USP42: variants seen among roughly 807,000 people sequenced by gnomAD.
USP42 encodes ubiquitin carboxyl-terminal hydrolase 42.
In USP42, 23 loss-of-function variants were observed where a neutral mutation model predicts 113.0. That is an observed-to-expected ratio of 0.20 (90% confidence interval 0.15 to 0.29). The LOEUF is 0.29. Among genes scored for constraint, USP42 ranks in the 10% least tolerant of loss-of-function variants. USP42 has a pLI of 1.00. For missense variants in USP42, 2,174 were observed against 1,779.8 expected, an observed-to-expected ratio of 1.22 and a Z score of -3.99; for synonymous variants, 933 against 699.0, an observed-to-expected ratio of 1.33 and a Z score of -5.28.
rs745619719 is a variant in USP42, at chr7:6,159,379, A to G, written c.3944-71A>G. ...GACTCTGACCATAGCCACTTAACGC[A>G]CACACACAGCAGAGGCCCTGGCGAT... On this transcript the variant is annotated intron_variant, in intron 16 of 17. Coordinates refer to ENST00000306177, the MANE Select transcript of USP42 (RefSeq NM_032172.3). This position sits in a 1 kb window ranked among gnomAD's most constrained non-coding sequence, Gnocchi z 4.1. 1.3e-5 allele frequency: 21 copies of G among 1,605,612 alleles called. No homozygotes were observed. The highest frequency in any genetic ancestry group is 1.7e-4 in the Middle Eastern group (1 of 6,024).
At chr7:6,118,469 C>G (rs1355900168) in intron 3 of USP42, among the ~76,000 whole-genome samples, 6 of 151,884 alleles carry the variant, frequency 4.0e-5, no homozygotes, top group African/African-American at 1.5e-4. Flanking sequence ...CTGCAGTGAG[C>G]CATGATTGTG....
At position 6,158,254 on chromosome 7, in the gene USP42, G is replaced by A. The variant is rs547425853; in HGVS notation, c.3944-1196G>A. On this transcript the variant is annotated intron_variant, in intron 16 of 17. Coordinates refer to ENST00000306177, the MANE Select transcript of USP42 (RefSeq NM_032172.3). The surrounding 1 kb of genome is among the most constrained non-coding windows in gnomAD (Gnocchi z 4.2). ...CTGTCACTGCCTGGCAGAGGTGAGTGGCTGCGGCAGGGCAGGGACCGTGTG... is the reference window on the plus strand; with the variant it reads ...CTGTCACTGCCTGGCAGAGGTGAGTAGCTGCGGCAGGGCAGGGACCGTGTG... 3.9e-5 allele frequency among the ~76,000 whole-genome samples: 6 copies of A among 152,370 alleles called. No homozygotes were observed. In the South Asian group the frequency reaches 1.2e-3, roughly 32 times the overall value.
At chr7:6,101,563 G>A (rs1790127885), upstream of USP42, among the ~76,000 whole-genome samples, 1 of 151,224 alleles carries the variant, frequency 6.6e-6, no homozygotes, top group South Asian at 2.1e-4. Context: ...TCTCAGCCAA[G>A]GCCCCAGCTG....
At chr7:6,129,061 C>T (rs2128493353) in intron 3 of USP42, among the ~76,000 whole-genome samples, 1 of 152,290 alleles carries the variant, frequency 6.6e-6, no homozygotes, top group South Asian at 2.1e-4. Flanking sequence ...ATCCGCCCAC[C>T]TCAGGCTCAC....
intron 3 of USP42, among the ~76,000 whole-genome samples, chr7:6,135,287 A>T (rs1395142330): frequency 6.6e-6 from 1 of 152,132 alleles, no homozygotes; most frequent in East Asian, 1.9e-4. Context: ...CAAACTTTTA[A>T]ACTCTCTGAG....
rs1203493833 is a variant in USP42, at chr7:6,161,172, T to C, written c.*654T>C. On this transcript the variant is annotated 3_prime_UTR_variant, in exon 18 of 18. Transcript: ENST00000306177. ...ACATTATGAATGTATAACCCAGACA[T>C]GATTTGTAAAGCCGACAGTATGTTT... is the stretch of plus-strand genomic sequence containing the variant. 2.0e-5 allele frequency: 3 copies of C among 152,676 alleles called. No homozygotes were observed. The highest frequency in any genetic ancestry group is 6.5e-5 in the Admixed American group (1 of 15,282). The allele number at this position is 152,676 out of a possible 1,614,324, so 9.5% of individuals were successfully genotyped here.
chr7:6,126,445 T>C (rs1780548799), intron 3 of USP42, among the ~76,000 whole-genome samples: 1 of 152,096 alleles, frequency 6.6e-6, no homozygotes, highest in South Asian at 2.1e-4. Flanking sequence ...CCACCACGCC[T>C]GGCTAATTTT....
In USP42 at chr7:6,153,774, G is replaced by A. The variant is rs1233523474; in HGVS notation, c.2220G>A (p.Arg740=). Reference sequence around the variant, plus strand: ...GCTGCAGTGCACCTGGAGCAGAGAGGGGCCCTCCCGAGGACCGCGACGCCG... The same window carrying A: ...GCTGCAGTGCACCTGGAGCAGAGAGAGGCCCTCCCGAGGACCGCGACGCCG... The part of the protein sequence containing the change: ...TDEMSAPGAE[R]GPPEDRDAEP... Residue 740 remains arginine (R), a synonymous_variant, in exon 15 of 18, where the codon AGG becomes AGA. Coordinates refer to ENST00000306177, the MANE Select transcript of USP42 (RefSeq NM_032172.3). 6.8e-7 allele frequency: 1 copy of A among 1,474,960 alleles called. No individual in the cohort carries two copies. The highest frequency in any genetic ancestry group is 9.0e-7 in the Non-Finnish European group (1 of 1,111,102). 91.4% of individuals were successfully genotyped at this position (1,474,960 alleles called of 1,614,324 possible).
rs1021017272 is a variant in USP42 at position 6,129,141 on chromosome 7, A to G, written c.443-6700A>G. On this transcript the variant is annotated intron_variant, in intron 3 of 17. Transcript: ENST00000306177. The stretch of plus-strand genomic sequence containing the variant: ...TTTAGTGGTCACTTTTAGGGACCAC[A>G]TTTACACACACATAACTTTTACCAC... Among the ~76,000 whole-genome samples the G allele has an allele frequency of 2.0e-5, 3 of 152,176 alleles. No homozygotes were observed. The East Asian group carries it at 5.8e-4, about 29-fold the overall frequency.
chr7:6,144,767 G>A (rs981806432), intron 9 of USP42, among the ~76,000 whole-genome samples: 2 of 152,000 alleles, frequency 1.3e-5, no homozygotes, highest in African/African-American at 4.8e-5. Flanking sequence ...CTACTCGGGA[G>A]GCTGAGGCAG....
chr7:6,159,437 C>G lies in USP42; in HGVS notation c.3944-13C>G. 1.9e-6 allele frequency: 3 copies of G among 1,613,974 alleles called. No individual in the cohort carries two copies. The highest frequency in any genetic ancestry group is 2.5e-6 in the Non-Finnish European group (3 of 1,179,876). ...CCATCATTAAAATCTCTTTCCTGACCTTTGCTTTCTAGGTGATTGAAAACT... is the reference window on the plus strand; with the variant it reads ...CCATCATTAAAATCTCTTTCCTGACGTTTGCTTTCTAGGTGATTGAAAACT... On this transcript the variant is annotated splice_polypyrimidine_tract_variant and intron_variant, in intron 16 of 17. Coordinates refer to ENST00000306177, the MANE Select transcript of USP42 (RefSeq NM_032172.3). The surrounding 1 kb of genome is among the most constrained non-coding windows in gnomAD (Gnocchi z 4.1).
intron 3 of USP42, among the ~76,000 whole-genome samples, chr7:6,115,880 C>T (rs1484808898): frequency 1.3e-5 from 2 of 152,102 alleles, no homozygotes; most frequent in African/African-American, 2.4e-5. Flanking sequence ...GAAAGGATCA[C>T]TCGAGCCCAA....
chr7:6,153,842 C>A lies in USP42; in HGVS notation c.2288C>A (p.Pro763Gln). 6.5e-7 allele frequency: 1 copy of A among 1,545,896 alleles called. No individual in the cohort carries two copies. Among genetic ancestry groups the A allele is most frequent in the Non-Finnish European group, 8.7e-7 (1 of 1,145,540 alleles). Residue 763 changes from proline to glutamine, a missense_variant, in exon 15 of 18, where the codon CCA becomes CAA. Pro to Gln is a moderately conservative substitution (Grantham distance 76). Coordinates refer to ENST00000306177, the MANE Select transcript of USP42 (RefSeq NM_032172.3). ...GSPAAESLEE[P>Q]DAAAGLSSTK... is the part of the protein sequence containing the mutation. ...CCCGCCGCCGAATCCCTGGAGGAGC[C>A]AGATGCGGCCGCCGGCCTCAGCAGC...
intron 4 of USP42, 96 bp downstream of exon 4, chr7:6,136,047 T>C (rs749674543): frequency 2.4e-4 from 185 of 757,122 alleles, no homozygotes; most frequent in Non-Finnish European, 3.5e-4. Context: ...CTCTGTCGCC[T>C]AGGCTGGAAT....
chr7:6,129,411 G>A (rs535399188), intron 3 of USP42, among the ~76,000 whole-genome samples: 136 of 151,030 alleles, frequency 9.0e-4, no homozygotes, highest in African/African-American at 2.9e-3. Flanking sequence ...CAAAAGATTA[G>A]CCAGGCATGG....
rs534469231 is a variant in USP42 at position 6,157,206 on chromosome 7, G to A, written c.3943+151G>A. 3 of 1,427,264 alleles carry A rather than the reference G, an allele frequency of 2.1e-6. No individual in the cohort carries two copies. The highest frequency in any genetic ancestry group is 2.9e-5 in the African/African-American group (2 of 69,544). The allele number at this position is 1,427,264 out of a possible 1,614,324, so 88.4% of individuals were successfully genotyped here. The stretch of plus-strand genomic sequence containing the variant: ...CCCTGCCCTGCCTGGTCTGGCCTCA[G>A]TGCTCATCCCTGCAGTGTGGTTCCG... On this transcript the variant is annotated intron_variant, in intron 16 of 17. Coordinates refer to ENST00000306177, the MANE Select transcript of USP42 (RefSeq NM_032172.3). The surrounding 1 kb of genome is among the most constrained non-coding windows in gnomAD (Gnocchi z 4.1).
In USP42 at chr7:6,154,923, C is replaced by T. The variant is rs1007832780; in HGVS notation, c.3369C>T (p.His1123=). ...GCAGCCCCCGCGCAGGCGCGCCCCA[C>T]GCCCTCGCCCCGCACCCCGACCGCT... is the stretch of plus-strand genomic sequence containing the variant. ...RPSSPRAGAP[H]ALAPHPDRFS... The change falls in exon 15 of 18, where the codon CAC becomes CAT. Residue 1123 remains histidine (H), a synonymous_variant. Coordinates refer to ENST00000306177, the MANE Select transcript of USP42 (RefSeq NM_032172.3). The T allele has an allele frequency of 1.3e-6, 2 of 1,549,848 alleles. No homozygotes were observed. The highest frequency in any genetic ancestry group is 8.7e-7 in the Non-Finnish European group (1 of 1,146,350).
rs751711716 is a variant in USP42 at position 6,154,195 on chromosome 7, C to A, written c.2641C>A (p.Arg881=). 6.2e-7 allele frequency: 1 copy of A among 1,602,056 alleles called. No individual in the cohort carries two copies. The highest frequency in any genetic ancestry group is 1.7e-4 in the Middle Eastern group (1 of 6,024). ...LLVHPSGDHA[R]DAQDPSQSLG... ...TGTTCACCCCAGCGGGGACCACGCC[C>A]GGGACGCTCAGGACCCATCCCAGAG... Residue 881 remains arginine, a synonymous_variant, in exon 15 of 18, where the codon CGG becomes AGG. Transcript: ENST00000306177.
At chr7:6,087,034 CTT>C in the USP42 span, among the ~76,000 whole-genome samples, 1 of 133,492 alleles carries the variant, frequency 7.5e-6, no homozygotes. Context: ...AGCCACCACA[CTT>C]TTTTTTTTCT....
Sources: allele counts gnomAD v4.1 joint callset (sites outside exome capture counted in the v4.1 genomes callset), GRCh38; gene constraint gnomAD v4.1.1; non-coding constraint Gnocchi (gnomAD v3.1); transcripts MANE v1.5; gene names NCBI Gene and HGNC (gene_info 2026-07-23, HGNC 2026-07-21).